The following INSR variants were observed in gnomAD, a reference collection of about 807,000 sequenced individuals.
INSR encodes insulin receptor.
INSR carries 67 observed loss-of-function variants against 142.6 expected under a neutral mutation model. The ratio of observed to expected loss-of-function variants is 0.47; its 90% CI spans 0.39 to 0.58. The LOEUF is 0.58. INSR is among the 20% of genes least tolerant of loss of function. The pLI is 0.00. For missense variants in INSR, 1,248 were observed against 1,833.2 expected (o/e 0.68, Z 5.83); for synonymous variants, 756 against 743.1 (o/e 1.02, Z -0.28).
chr19:7,230,812 AAAAAAAAAAT>A lies in INSR; in HGVS notation c.652+36523_652+36532del, dbSNP rs1568205489. On this transcript the variant is annotated intron_variant, in intron 2 of 21. Coordinates refer to ENST00000302850, the MANE Select transcript of INSR (RefSeq NM_000208.4). ...GACAGTGAGACTCCATCTCAAAAATAAAAAAAAAATAAAAAATATTAGCTCAAGGCCTCCT... is the reference window on the plus strand; with the variant it reads ...GACAGTGAGACTCCATCTCAAAAATAAAAAAATATTAGCTCAAGGCCTCCT... 2.2e-3 allele frequency among the ~76,000 whole-genome samples: 48 copies of A among 21,738 alleles called. 2 individuals are homozygous for A. The highest frequency in any genetic ancestry group is 0.05 in the Middle Eastern group (1 of 20). The allele number at this position is 21,738 out of a possible 152,430, so 14.3% of individuals were successfully genotyped here.
chr19:7,239,373 T>C (rs1181210026), intron 2 of INSR, among the ~76,000 whole-genome samples: 1 of 148,880 alleles, frequency 6.7e-6, no homozygotes, highest in Non-Finnish European at 1.5e-5. Context: ...ACAGAGAGAT[T>C]CCCAGTCTTA....
chr19:7,133,500 T>C (rs1258709747), intron 13 of INSR, among the ~76,000 whole-genome samples: 4 of 152,240 alleles, frequency 2.6e-5, no homozygotes, highest in African/African-American at 9.6e-5. Context: ...CTAGAACGTA[T>C]TCCTCCCATC....
At chr19:7,142,231 T>C (rs531558704) in intron 12 of INSR, among the ~76,000 whole-genome samples, 5 of 147,964 alleles carry the variant, frequency 3.4e-5, no homozygotes, top group South Asian at 4.3e-4. Flanking sequence ...GGTGGAACCA[T>C]CTCTACTGAA....
chr19:7,122,504 T>A, intron 19 of INSR, 110 bp downstream of exon 19: 3 of 1,161,514 alleles, frequency 2.6e-6, no homozygotes, highest in African/African-American at 1.5e-5. Context: ...AGAAGTATCT[T>A]GCCCCTTTAT....
At chr19:7,243,011 C>G (rs1402210072) in intron 2 of INSR, among the ~76,000 whole-genome samples, 2 of 151,940 alleles carry the variant, frequency 1.3e-5, no homozygotes, top group Non-Finnish European at 1.5e-5. Flanking sequence ...CCCCATCCCC[C>G]CAACACAGAC....
At chr19:7,123,694 C>T (rs981579761) in intron 17 of INSR, among the ~76,000 whole-genome samples, 1 of 138,760 alleles carries the variant, frequency 7.2e-6, no homozygotes, top group South Asian at 2.3e-4. Context: ...AGGCTGAGGC[C>T]GGTGGATCAC....
Position 7,170,614 on chromosome 19 carries a change from A to G in INSR, c.1406T>C (p.Met469Thr). 1 of 1,613,786 alleles carries G rather than the reference A, an allele frequency of 6.2e-7. No individual in the cohort carries two copies. Among genetic ancestry groups the G allele is most frequent in the South Asian group, 1.1e-5 (1 of 91,064 alleles). ...PKLCLSEIHK[M>T]EEVSGTKGRQ... is the part of the protein sequence containing the mutation. ...CCCCTTGGTTCCTGAAACTTCTTCCATCTTGTGGATTTCTGACAAGCAGAG... is the reference window on the plus strand; with the variant it reads ...CCCCTTGGTTCCTGAAACTTCTTCCGTCTTGTGGATTTCTGACAAGCAGAG... The change falls in exon 6 of 22, where the codon ATG (methionine) becomes ACG (threonine). Residue 469 changes from methionine to threonine, a missense_variant. Physicochemically the swap from Met to Thr is moderately conservative, Grantham distance 81 (BLOSUM62 -1). Transcript: ENST00000302850.
chr19:7,141,394 T>C, intron 13 of INSR: 2 of 465,938 alleles, frequency 4.3e-6, no homozygotes, highest in South Asian at 4.2e-5. Flanking sequence ...CCTTCTAAAG[T>C]GAAATGAGTC....
At chr19:7,270,139 G>A (rs1334819599) in intron 1 of INSR, among the ~76,000 whole-genome samples, 3 of 151,892 alleles carry the variant, frequency 2.0e-5, no homozygotes, top group Non-Finnish European at 4.4e-5. Flanking sequence ...TAGTAGAGAC[G>A]GGATTTCACC....
intron 2 of INSR, among the ~76,000 whole-genome samples, chr19:7,205,455 G>A (rs188178282): frequency 2.0e-5 from 3 of 152,292 alleles, no homozygotes; most frequent in Non-Finnish European, 2.9e-5. Flanking sequence ...CCTTCCTCAT[G>A]TCTGCCATGC....
chr19:7,250,209 A>G (rs191434408), intron 2 of INSR, among the ~76,000 whole-genome samples: 14 of 148,706 alleles, frequency 9.4e-5, no homozygotes, highest in African/African-American at 3.2e-4. Context: ...GGAGAAAAGA[A>G]AGAGAGAGGG....
intron 1 of INSR, among the ~76,000 whole-genome samples, chr19:7,278,058 C>T (rs1968112437): frequency 6.6e-6 from 1 of 151,988 alleles, no homozygotes; most frequent in Non-Finnish European, 1.5e-5. Context: ...TGTGCCACTA[C>T]ACTCCAGCCT....
chr19:7,125,345 G>A lies in INSR; in HGVS notation c.3196C>T (p.Arg1066Ter), dbSNP rs1324279061. 6.8e-6 allele frequency: 11 copies of A among 1,614,062 alleles called. No individual in the cohort carries two copies. The highest frequency in any genetic ancestry group is 7.6e-6 in the Non-Finnish European group (9 of 1,180,034). ...VKTVNESASL[R>*]ERIEFLNEAS... is the part of the protein sequence containing the mutation. ...TCATTGAGGAACTCAATCCGCTCTC[G>A]GAGACTGGCTGACTCGTTGACCGTC... is the stretch of plus-strand genomic sequence containing the variant. The change falls in exon 17 of 22, where the codon CGA becomes TGA. Residue 1066 changes from arginine (R) to a stop codon, truncating the protein, a stop_gained. Coordinates refer to ENST00000302850, the MANE Select transcript of INSR (RefSeq NM_000208.4). LOFTEE classifies it high-confidence loss of function. This position sits in a 1 kb window ranked among gnomAD's most constrained non-coding sequence, Gnocchi z 4.9.
chr19:7,227,410 C>T (rs1975821313), intron 2 of INSR, among the ~76,000 whole-genome samples: 1 of 152,000 alleles, frequency 6.6e-6, no homozygotes, highest in Non-Finnish European at 1.5e-5. Flanking sequence ...GTAGCTGGGA[C>T]TACAGGCATG....
intron 1 of INSR, among the ~76,000 whole-genome samples, chr19:7,279,084 C>T (rs1052106957): frequency 2.0e-5 from 3 of 151,922 alleles, no homozygotes; most frequent in Non-Finnish European, 2.9e-5. Flanking sequence ...GCTGAGATCA[C>T]GCCACTGCAC....
chr19:7,137,140 T>C (rs1462047200), intron 13 of INSR, among the ~76,000 whole-genome samples: 1 of 152,104 alleles, frequency 6.6e-6, no homozygotes, highest in Non-Finnish European at 1.5e-5. Flanking sequence ...CCTAAAACTT[T>C]ATTTTTATGT....
chr19:7,143,143 A>G (rs1419707390), intron 11 of INSR, 53 bp from the exon 12 acceptor site: 2 of 1,588,534 alleles, frequency 1.3e-6, no homozygotes, highest in Non-Finnish European at 1.7e-6. Flanking sequence ...ATTTTTTTTA[A>G]AAAAGTGACA....
rs1241121510 is a variant in INSR at position 7,192,706 on chromosome 19, T to C, written c.653-8069A>G. Among the ~76,000 whole-genome samples the C allele has an allele frequency of 6.6e-6, 1 of 152,110 alleles. No individual in the cohort carries two copies. The highest frequency in any genetic ancestry group is 2.4e-5 in the African/African-American group (1 of 41,418). On this transcript the variant is annotated intron_variant, in intron 2 of 21. Coordinates refer to ENST00000302850, the MANE Select transcript of INSR (RefSeq NM_000208.4). The surrounding 1 kb of genome is among the most constrained non-coding windows in gnomAD (Gnocchi z 4.2). The stretch of plus-strand genomic sequence containing the variant: ...GGAACATCTACCCAGACCTCCCCTC[T>C]CCAAAAATGCAAGTTCTGTGTCCAT...
At chr19:7,164,954 TC>T (rs1973857657) in intron 8 of INSR, among the ~76,000 whole-genome samples, 1 of 148,036 alleles carries the variant, frequency 6.8e-6, no homozygotes, top group South Asian at 2.2e-4. Flanking sequence ...CATGGTGAAA[TC>T]CCATCTCTAC....
Sources: allele counts gnomAD v4.1 joint callset (sites outside exome capture counted in the v4.1 genomes callset), GRCh38; gene constraint gnomAD v4.1.1; non-coding constraint Gnocchi (gnomAD v3.1); transcripts MANE v1.5; gene names NCBI Gene and HGNC (gene_info 2026-07-23, HGNC 2026-07-21).